Variants in ZNF469 observed in about 807,000 individuals in gnomAD.
The protein encoded by ZNF469 is zinc finger protein 469.
ZNF469 carries 1 observed loss-of-function variant against 1.0 expected under a neutral mutation model. That is an observed-to-expected ratio of 1.00 (90% CI 0.35 to 4.73). The LOEUF (loss-of-function observed/expected upper bound fraction) is 4.73, where lower values mean the gene tolerates loss of function less well. ZNF469 is among the 30% of genes most tolerant of loss of function. The pLI is 0.16. For synonymous variants in ZNF469, 2,703 were observed against 2,363.4 expected (o/e 1.14, Z -4.17); for missense variants, 6,100 against 5,356.3 (o/e 1.14, Z -4.33).
chr16:88,110,249 G>A, the ZNF469 span, among the ~76,000 whole-genome samples: 8 of 152,188 alleles, frequency 5.3e-5, no homozygotes, highest in African/African-American at 1.7e-4. Flanking sequence ...ACCCCCGGGG[G>A]GCCGCCTCCT....
rs754776767 is a variant in ZNF469 at position 88,428,263 on chromosome 16, G to A, written c.793G>A (p.Gly265Ser). The stretch of plus-strand genomic sequence containing the variant: ...ACCTATTCCCAAAGGCAGCAGGCCC[G>A]GCGGCAGCCCCAGGGGAGTTTCCTT... ...PEPIPKGSRPGGSPRGVSFQF... is the reference protein window; with the variant it reads ...PEPIPKGSRPSGSPRGVSFQF... The change falls in exon 3 of 3, where the codon GGC becomes AGC. Residue 265 changes from glycine (G) to serine (S), a missense_variant. Gly to Ser is a moderately conservative substitution (Grantham distance 56, BLOSUM62 0). Transcript: ENST00000565624. The A allele has an allele frequency of 3.0e-5, 46 of 1,550,280 alleles. No individual in the cohort carries two copies. The East Asian group carries it at 5.9e-4, about 20-fold the overall frequency.
At position 88,383,032 on chromosome 16, in the gene ZNF469, G is replaced by A. The variant is rs2092529311; in HGVS notation, c.-414G>A. Among the ~76,000 whole-genome samples, 1 of 151,788 alleles carries A rather than the reference G, an allele frequency of 6.6e-6. No homozygotes were observed. Among genetic ancestry groups the A allele is most frequent in the Non-Finnish European group, 1.5e-5 (1 of 67,902 alleles). Reference sequence around the variant, plus strand: ...AGGGCTGGAGCTGGCTGCAGGGCTGGCCCGCGGCGACCTGGGCAGGGTGGC... The same window carrying A: ...AGGGCTGGAGCTGGCTGCAGGGCTGACCCGCGGCGACCTGGGCAGGGTGGC... On this transcript the variant is annotated 5_prime_UTR_variant, in exon 1 of 3. Coordinates refer to ENST00000565624, the MANE Select transcript of ZNF469 (RefSeq NM_001367624.2).
Position 88,439,637 on chromosome 16 carries a change from C to T in ZNF469, c.*305C>T. On this transcript the variant is annotated 3_prime_UTR_variant, in exon 3 of 3. Coordinates refer to ENST00000565624, the MANE Select transcript of ZNF469 (RefSeq NM_001367624.2). ...AGCAGCCCATCCCCTCAGCCCACACCCCTGCGCCCTGTGGGCACCGACACC... is the reference window on the plus strand; with the variant it reads ...AGCAGCCCATCCCCTCAGCCCACACTCCTGCGCCCTGTGGGCACCGACACC... 2.4e-6 allele frequency: 1 copy of T among 418,304 alleles called. No individual in the cohort carries two copies. The highest frequency in any genetic ancestry group is 4.4e-6 in the Non-Finnish European group (1 of 226,332). 25.9% of individuals were successfully genotyped at this position (418,304 alleles called of 1,614,324 possible).
rs1906493802 is a variant in ZNF469 at position 88,435,340 on chromosome 16, C to G, written c.7870C>G (p.Pro2624Ala). The change falls in exon 3 of 3, where the codon CCT (proline) becomes GCT (alanine). Residue 2624 changes from proline to alanine, a missense_variant. Transcript: ENST00000565624. ...GCGCCGAGAGCCCACCGTGGACTCT[C>G]CTAGCCACTCAGAGGGGAAGTCAAA... ...RWRREPTVDS[P>A]SHSEGKSNKK... is the part of the protein sequence containing the mutation. 6.5e-7 allele frequency: 1 copy of G among 1,550,374 alleles called. No individual in the cohort carries two copies. The highest frequency in any genetic ancestry group is 8.7e-7 in the Non-Finnish European group (1 of 1,147,000).
chr16:88,117,607 G>GTGGAGGTGCCACGTGCCTTCGGTGACCA, the ZNF469 span, among the ~76,000 whole-genome samples: 198 of 148,938 alleles, frequency 1.3e-3, 1 homozygote, highest in African/African-American at 4.6e-3. Context: ...TTCGGGGACC[G>GTGGAGGTGCCACGTGCCTTCGGTGACCA]TGGAGGTGCC....
chr16:88,318,905 A>C, the ZNF469 span, among the ~76,000 whole-genome samples: 1 of 152,270 alleles, frequency 6.6e-6, no homozygotes, highest in Non-Finnish European at 1.5e-5. Context: ...CCAGGGCAGC[A>C]GCATCTTCAG....
rs540034593 is a variant in ZNF469, at chr16:88,411,308, G to A, written c.-191-13499G>A. ...GTGGGGGTGGCTCAGACCCCAGCGA[G>A]CCAGCATCTGGGCCGAGGCCTCCAG... On this transcript the variant is annotated intron_variant, in intron 1 of 2. Transcript: ENST00000565624. Among the ~76,000 whole-genome samples, 316 of 152,246 alleles carry A rather than the reference G, an allele frequency of 2.1e-3. 2 individuals carry two copies. The highest frequency in any genetic ancestry group is 7.2e-3 in the African/African-American group (301 of 41,548).
At chr16:88,292,473 G>A in the ZNF469 span, among the ~76,000 whole-genome samples, 1 of 152,148 alleles carries the variant, frequency 6.6e-6, no homozygotes, top group Non-Finnish European at 1.5e-5. Flanking sequence ...GGGCCCCAGT[G>A]GGGTCCGGGG....
At chr16:88,273,535 C>A in the ZNF469 span, among the ~76,000 whole-genome samples, 1 of 152,196 alleles carries the variant, frequency 6.6e-6, no homozygotes, top group African/African-American at 2.4e-5. Flanking sequence ...GACACTGGAA[C>A]CCTCCTGCAA....
intron 1 of ZNF469, among the ~76,000 whole-genome samples, chr16:88,422,122 T>G (rs1198418522): frequency 6.9e-6 from 1 of 144,816 alleles, no homozygotes; most frequent in African/African-American, 2.6e-5. Context: ...AGTGGGTGGA[T>G]AGATGGGTGA....
At chr16:88,198,408 T>C in the ZNF469 span, among the ~76,000 whole-genome samples, 4 of 152,302 alleles carry the variant, frequency 2.6e-5, no homozygotes, top group South Asian at 2.1e-4. Context: ...GCAGAGGCTA[T>C]TGCAGTTGTC....
the ZNF469 span, among the ~76,000 whole-genome samples, chr16:88,161,307 G>A: frequency 2.6e-4 from 40 of 152,188 alleles, no homozygotes; most frequent in Non-Finnish European, 4.6e-4. Context: ...TCTGTGGGGC[G>A]GAAATATTCT....
At chr16:88,113,728 G>A in the ZNF469 span, among the ~76,000 whole-genome samples, 2 of 152,218 alleles carry the variant, frequency 1.3e-5, no homozygotes, top group Non-Finnish European at 1.5e-5. Context: ...GGCGGTGCAG[G>A]GCCCCAGCTG....
the ZNF469 span, among the ~76,000 whole-genome samples, chr16:88,226,436 C>T: frequency 3.3e-5 from 5 of 152,186 alleles, no homozygotes; most frequent in Non-Finnish European, 7.4e-5. Context: ...CAGGGCCTCC[C>T]ACAGCTGGAG....
upstream of ZNF469, among the ~76,000 whole-genome samples, chr16:88,381,383 TGCATTCACACACAC>T (rs1028346578): frequency 1.6e-5 from 2 of 126,584 alleles, no homozygotes; most frequent in Admixed American, 7.7e-5. Context: ...CACAGAGACA[TGCATTCACACACAC>T]GCACTCACAC....
At chr16:88,207,658 G>T in the ZNF469 span, among the ~76,000 whole-genome samples, 27,471 of 150,526 alleles carry the variant, frequency 0.18, 2,709 homozygotes, top group East Asian at 0.29. Context: ...CGACGGGGCC[G>T]CCCTGCACCT....
At chr16:88,266,522 G>A in the ZNF469 span, among the ~76,000 whole-genome samples, 2 of 152,230 alleles carry the variant, frequency 1.3e-5, no homozygotes, top group South Asian at 2.1e-4. Flanking sequence ...CAAGTTTAAC[G>A]TTTTATTTGG....
chr16:88,224,677 C>G, the ZNF469 span, among the ~76,000 whole-genome samples: 2 of 152,160 alleles, frequency 1.3e-5, no homozygotes, highest in Non-Finnish European at 2.9e-5. Context: ...CCGGCAAGGC[C>G]GCGAGCTCTG....
chr16:88,129,917 A>G, the ZNF469 span, among the ~76,000 whole-genome samples: 1 of 152,380 alleles, frequency 6.6e-6, no homozygotes, highest in South Asian at 2.1e-4. Flanking sequence ...AGCCCCTCCG[A>G]GGGAATCCTG....
Sources: allele counts gnomAD v4.1 joint callset (sites outside exome capture counted in the v4.1 genomes callset), GRCh38; gene constraint gnomAD v4.1.1; transcripts MANE v1.5; gene names NCBI Gene and HGNC (gene_info 2026-07-23, HGNC 2026-07-21).